SLAMF9: variants seen among roughly 807,000 people sequenced by gnomAD.
SLAMF9 encodes SLAM family member 9.
SLAMF9 carries 25 observed loss-of-function variants against 30.4 expected under a neutral mutation model. The ratio of observed to expected loss-of-function variants is 0.82; its 90% CI spans 0.60 to 1.15. The LOEUF is 1.15. Among genes scored for constraint, SLAMF9 ranks in the 50% most tolerant of loss-of-function variants. SLAMF9 has a pLI of 0.00. For synonymous variants in SLAMF9, 129 were observed against 127.2 expected (o/e 1.01, Z -0.09); for missense variants, 344 against 346.1 (o/e 0.99, Z 0.05).
At chr1:159,966,519 A>G in the SLAMF9 span, among the ~76,000 whole-genome samples, 6 of 152,168 alleles carry the variant, frequency 3.9e-5, no homozygotes, top group Non-Finnish European at 8.8e-5. Context: ...TTACATTTTT[A>G]GTTTTTTGAG....
upstream of SLAMF9, among the ~76,000 whole-genome samples, chr1:159,956,321 T>A (rs547464224): frequency 6.9e-4 from 105 of 152,194 alleles, no homozygotes; most frequent in African/African-American, 2.1e-3. Flanking sequence ...TTTTTAAACA[T>A]GATCAGGGCA....
chr1:159,957,956 T>C (rs146993292), upstream of SLAMF9, among the ~76,000 whole-genome samples: 458 of 152,160 alleles, frequency 3.0e-3, 3 homozygotes, highest in African/African-American at 9.8e-3. Context: ...AAAAGATAAA[T>C]GGAGAAGGAA....
chr1:159,960,461 C>CTT, the SLAMF9 span, among the ~76,000 whole-genome samples: 16,148 of 130,626 alleles, frequency 0.12, 1,178 homozygotes, highest in Middle Eastern at 0.27. Context: ...CTCTGATGAT[C>CTT]TTTTTTTTTT....
chr1:159,960,970 A>G, the SLAMF9 span, among the ~76,000 whole-genome samples: 9 of 152,268 alleles, frequency 5.9e-5, no homozygotes, highest in African/African-American at 2.2e-4. Flanking sequence ...GTAATCAACT[A>G]TTAACACACC....
At chr1:159,954,729 T>C (rs766617666), upstream of SLAMF9, among the ~76,000 whole-genome samples, 38 of 152,232 alleles carry the variant, frequency 2.5e-4, no homozygotes, top group Non-Finnish European at 5.3e-4. Context: ...AAGCTAGTTA[T>C]GTTCCCACCT....
the SLAMF9 span, among the ~76,000 whole-genome samples, chr1:159,977,448 G>A: frequency 4.6e-5 from 7 of 152,260 alleles, no homozygotes; most frequent in Admixed American, 1.3e-4. Flanking sequence ...ATTGGTTCTA[G>A]TCTCTTTTCT....
At chr1:159,974,971 G>C in the SLAMF9 span, among the ~76,000 whole-genome samples, 1 of 152,152 alleles carries the variant, frequency 6.6e-6, no homozygotes. Flanking sequence ...ATAGGCCCGG[G>C]TGTTCAAACC....
chr1:159,963,875 A>G, the SLAMF9 span, among the ~76,000 whole-genome samples: 1 of 152,156 alleles, frequency 6.6e-6, no homozygotes, highest in African/African-American at 2.4e-5. Flanking sequence ...CCTGGCCAAC[A>G]TAGTCAAATC....
intron 2 of SLAMF9, 50 bp downstream of exon 2, chr1:159,953,259 G>A (rs1458075741): frequency 1.3e-6 from 2 of 1,487,040 alleles, no homozygotes; most frequent in African/African-American, 2.8e-5. Context: ...GGTGTGAGAA[G>A]CTCAGAAGAG....
At chr1:159,960,745 C>A in the SLAMF9 span, among the ~76,000 whole-genome samples, 1 of 152,070 alleles carries the variant, frequency 6.6e-6, no homozygotes, top group Admixed American at 6.6e-5. Flanking sequence ...TGAGTCACTG[C>A]CCCCGGCCAC....
At chr1:159,971,034 G>T in the SLAMF9 span, among the ~76,000 whole-genome samples, 1 of 152,132 alleles carries the variant, frequency 6.6e-6, no homozygotes, top group South Asian at 2.1e-4. Flanking sequence ...AGGAAAACTC[G>T]CCCAAGCCTC....
chr1:159,977,449 T>C, the SLAMF9 span, among the ~76,000 whole-genome samples: 1 of 152,154 alleles, frequency 6.6e-6, no homozygotes, highest in Non-Finnish European at 1.5e-5. Context: ...TTGGTTCTAG[T>C]CTCTTTTCTA....
At chr1:159,973,632 A>G in the SLAMF9 span, among the ~76,000 whole-genome samples, 1 of 151,982 alleles carries the variant, frequency 6.6e-6, no homozygotes, top group African/African-American at 2.4e-5. Context: ...TGGTGGGGAG[A>G]TGGGGGTATT....
chr1:159,965,487 A>G, the SLAMF9 span: 134,500 of 152,232 alleles, frequency 0.88, 59,842 homozygotes, highest in East Asian at 1. Flanking sequence ...AATCTATGGT[A>G]TCCATCTCCA....
chr1:159,972,939 G>A, the SLAMF9 span: 1 of 1,035,296 alleles, frequency 9.7e-7, no homozygotes, highest in Non-Finnish European at 1.3e-6. Flanking sequence ...CCTCCCAGGG[G>A]GTCCCACTGC....
At chr1:159,963,904 C>CA in the SLAMF9 span, among the ~76,000 whole-genome samples, 1 of 152,174 alleles carries the variant, frequency 6.6e-6, no homozygotes, top group South Asian at 2.1e-4. Context: ...ACTAAATATA[C>CA]AAAAAATTAG....
the SLAMF9 span, among the ~76,000 whole-genome samples, chr1:159,979,354 C>A: frequency 2.0e-5 from 3 of 152,172 alleles, no homozygotes; most frequent in African/African-American, 7.2e-5. Context: ...AATATGCAAA[C>A]ACTGGTAGGA....
At chr1:159,974,410 T>G in the SLAMF9 span, among the ~76,000 whole-genome samples, 6 of 152,212 alleles carry the variant, frequency 3.9e-5, no homozygotes, top group Non-Finnish European at 7.3e-5. Flanking sequence ...ATTATGTAGC[T>G]ATCTTATTCC....
rs2789417 is a variant in SLAMF9, at chr1:159,953,321, T to G, written c.379A>C (p.Ile127Leu). 0.91 allele frequency: 1,456,536 copies of G among 1,603,126 alleles called. 663,179 individuals are homozygous for G. The highest frequency in any genetic ancestry group is 1 in the East Asian group (44,511 of 44,526). The part of the protein sequence containing the change: ...SQISTMQQYN[I>L]CVYRWLSEPQ... ...AGCCTAAACTCACGGTAGACACATA[T>G]ATTGTACTGCTGCATGGTAGAGATC... The change falls in exon 2 of 4, where the codon ATA (isoleucine) becomes CTA (leucine). Residue 127 changes from isoleucine to leucine, a missense_variant. Coordinates refer to ENST00000368093, the MANE Select transcript of SLAMF9 (RefSeq NM_033438.4).
Sources: gnomAD v4.1 joint callset for allele counts (sites outside exome capture counted in the v4.1 genomes callset) on GRCh38, gnomAD v4.1.1 for gene constraint, MANE v1.5 for transcripts, NCBI Gene and HGNC (gene_info 2026-07-23, HGNC 2026-07-21) for gene names.